SHISA9: variants seen among roughly 807,000 people sequenced by gnomAD.
SHISA9 encodes the protein protein shisa-9.
SHISA9 carries 13 observed loss-of-function variants against 38.0 expected under a neutral mutation model. The ratio of observed to expected loss-of-function variants is 0.34; its 90% CI spans 0.22 to 0.54. The LOEUF is 0.54. SHISA9 is among the 20% of genes least tolerant of loss of function. The pLI, the probability that SHISA9 is intolerant of heterozygous loss-of-function variation, is 0.91. For synonymous variants in SHISA9, 275 were observed against 242.0 expected (o/e 1.14, Z -1.27); for missense variants, 538 against 575.8 (o/e 0.93, Z 0.67).
the SHISA9 span, among the ~76,000 whole-genome samples, chr16:13,301,611 T>A: frequency 1.3e-5 from 2 of 152,346 alleles, no homozygotes; most frequent in East Asian, 3.9e-4. Context: ...GTTTTATAGA[T>A]AATATTGCTT....
intron 1 of SHISA9, chr16:12,909,111 T>A: frequency 1.0e-6 from 1 of 987,180 alleles, no homozygotes; most frequent in Non-Finnish European, 1.2e-6. Context: ...GAAGTCCATG[T>A]GTGCATGCAT....
the SHISA9 span, among the ~76,000 whole-genome samples, chr16:13,520,035 GC>G: frequency 1.3e-5 from 2 of 152,034 alleles, no homozygotes; most frequent in African/African-American, 4.8e-5. Context: ...ATGGAAGAAG[GC>G]CCAGAAACTC....
chr16:13,032,070 A>G lies in SHISA9; in HGVS notation c.691+115255A>G, dbSNP rs183060949. On this transcript the variant is annotated intron_variant, in intron 2 of 4. Coordinates refer to ENST00000558583, the MANE Select transcript of SHISA9 (RefSeq NM_001145204.3). ...TGTGCAGAACATGCAGGTTTGTTAC[A>G]TAGGTATACGTGTGCCATGGTTGTT... is the stretch of plus-strand genomic sequence containing the variant. 2.0e-4 allele frequency among the ~76,000 whole-genome samples: 30 copies of G among 151,836 alleles called. No homozygotes were observed. In the South Asian group the frequency reaches 5.4e-3, roughly 27 times the overall value.
chr16:13,533,296 T>G, the SHISA9 span, among the ~76,000 whole-genome samples: 3 of 152,198 alleles, frequency 2.0e-5, no homozygotes, highest in African/African-American at 7.2e-5. Context: ...AAGCCACGTC[T>G]AGATTAAACC....
chr16:12,972,314 G>T (rs7193626), intron 2 of SHISA9, among the ~76,000 whole-genome samples: 2,004 of 152,234 alleles, frequency 0.013, 15 homozygotes, highest in East Asian at 0.028. Flanking sequence ...CAGCCAAGAA[G>T]CACCACAGGT....
chr16:13,097,894 G>C (rs886257743), intron 2 of SHISA9, among the ~76,000 whole-genome samples: 2 of 152,206 alleles, frequency 1.3e-5, no homozygotes, highest in Non-Finnish European at 2.9e-5. Flanking sequence ...CTGTGATTCT[G>C]AGTTAGAGCA....
rs547511034 is a variant in SHISA9, at chr16:13,051,652, CAAAA to C, written c.691+134838_691+134841del. ...AGTTTAAACAAACAAATGACCAAAA[CAAAA>C]GTGAATGTTGAAAGCCAGCCCATAT... On this transcript the variant is annotated intron_variant, in intron 2 of 4. Transcript: ENST00000558583. Among the ~76,000 whole-genome samples the C allele has an allele frequency of 2.8e-3, 423 of 152,224 alleles. 1 individual carries two copies. The highest frequency in any genetic ancestry group is 4.6e-3 in the Admixed American group (71 of 15,292).
chr16:13,254,754 A>T, the SHISA9 span, among the ~76,000 whole-genome samples: 1 of 152,218 alleles, frequency 6.6e-6, no homozygotes, highest in Admixed American at 6.5e-5. Flanking sequence ...GTGAATCCTC[A>T]GCGGACACCT....
chr16:13,483,027 G>A, the SHISA9 span, among the ~76,000 whole-genome samples: 2,948 of 152,234 alleles, frequency 0.019, 98 homozygotes, highest in African/African-American at 0.066. Context: ...TCAGACCTCC[G>A]CTTCCACAGA....
chr16:13,428,711 C>T, the SHISA9 span, among the ~76,000 whole-genome samples: 4 of 151,816 alleles, frequency 2.6e-5, no homozygotes, highest in East Asian at 7.8e-4. Flanking sequence ...GGAATATATC[C>T]TGAGACTAGT....
At chr16:13,078,577 TG>T (rs1227089082) in intron 2 of SHISA9, among the ~76,000 whole-genome samples, 1 of 152,078 alleles carries the variant, frequency 6.6e-6, no homozygotes, top group African/African-American at 2.4e-5. Flanking sequence ...GGATAATTTT[TG>T]TATTTTTAGT....
chr16:13,351,005 C>A, the SHISA9 span, among the ~76,000 whole-genome samples: 2 of 152,146 alleles, frequency 1.3e-5, no homozygotes, highest in Non-Finnish European at 2.9e-5. Flanking sequence ...GTAAATATGG[C>A]TACCATCTAT....
At chr16:13,484,033 G>A in the SHISA9 span, among the ~76,000 whole-genome samples, 2 of 152,290 alleles carry the variant, frequency 1.3e-5, no homozygotes, top group East Asian at 3.9e-4. Context: ...CTGGTGTCTG[G>A]GGTAGGGGTG....
At chr16:13,313,938 G>A in the SHISA9 span, among the ~76,000 whole-genome samples, 1 of 152,124 alleles carries the variant, frequency 6.6e-6, no homozygotes, top group Non-Finnish European at 1.5e-5. Flanking sequence ...GTAGCTCTTT[G>A]GTTCAGTTTT....
At chr16:13,061,650 C>G (rs1480042548) in intron 2 of SHISA9, among the ~76,000 whole-genome samples, 11 of 152,166 alleles carry the variant, frequency 7.2e-5, no homozygotes, top group Admixed American at 7.2e-4. Flanking sequence ...ATGGACCAAA[C>G]AGGTATAGCT....
At chr16:13,257,624 T>C in the SHISA9 span, among the ~76,000 whole-genome samples, 1 of 152,344 alleles carries the variant, frequency 6.6e-6, no homozygotes, top group East Asian at 1.9e-4. Context: ...TGTCCACTTC[T>C]GCCAGTTTAA....
intron 2 of SHISA9, among the ~76,000 whole-genome samples, chr16:12,993,943 G>C (rs769106296): frequency 2.6e-5 from 4 of 152,104 alleles, no homozygotes; most frequent in Non-Finnish European, 5.9e-5. Context: ...GGACCTGAAG[G>C]CAGGCCAGTG....
intron 2 of SHISA9, among the ~76,000 whole-genome samples, chr16:13,062,246 C>T (rs1474046128): frequency 2.0e-5 from 3 of 152,000 alleles, no homozygotes; most frequent in South Asian, 2.1e-4. Context: ...AGTCCTGTGT[C>T]TCTAGTTGCC....
intron 2 of SHISA9, 105 bp from the exon 3 acceptor site, chr16:13,203,289 C>T (rs1350269454): frequency 8.5e-7 from 1 of 1,180,714 alleles, no homozygotes; most frequent in Non-Finnish European, 1.1e-6. Context: ...ACTTGCGTCC[C>T]TAAAGGGTGG....
Sources: allele counts gnomAD v4.1 joint callset (sites outside exome capture counted in the v4.1 genomes callset), GRCh38; gene constraint gnomAD v4.1.1; transcripts MANE v1.5; gene names NCBI Gene and HGNC (gene_info 2026-07-23, HGNC 2026-07-21).